The following THOC2 variants were observed in gnomAD, a reference collection of about 807,000 sequenced individuals.
THOC2 encodes THO complex 2.
THOC2 carries 10 observed loss-of-function variants against 128.4 expected under a neutral mutation model. That is an observed-to-expected ratio of 0.08 (90% CI 0.05 to 0.13). The LOEUF is 0.13. Among genes scored for constraint, THOC2 ranks in the 10% least tolerant of loss-of-function variants. The pLI is 1.00. For missense variants in THOC2, 535 were observed against 1,155.7 expected, an observed-to-expected ratio of 0.46 and a Z score of 7.79; for synonymous variants, 393 against 396.9, an observed-to-expected ratio of 0.99 and a Z score of 0.12.
At chrX:123,667,367 A>T in intron 10 of THOC2, 89 bp from the exon 11 acceptor site, 1 of 602,628 alleles carries the variant, frequency 1.7e-6, no homozygotes, top group South Asian at 3.5e-5. Context: ...GACCTAAGCA[A>T]CACATCAAAA....
chrX:123,671,658 A>G lies in THOC2; in HGVS notation c.861+11T>C. On this transcript the variant is annotated intron_variant, in intron 9 of 38. Coordinates refer to ENST00000245838, the MANE Select transcript of THOC2 (RefSeq NM_001081550.2). Reference sequence around the variant, plus strand: ...GACAATCAAGTATTCTTAGCAGCCCACTTGACTTACATGTACATAAAGATC... The same window carrying G: ...GACAATCAAGTATTCTTAGCAGCCCGCTTGACTTACATGTACATAAAGATC... 1 of 1,079,138 alleles carries G rather than the reference A, an allele frequency of 9.3e-7. No homozygotes were observed. The highest frequency in any genetic ancestry group is 1.3e-6 in the Non-Finnish European group (1 of 792,534). 88.9% of individuals were successfully genotyped at this position (1,079,138 alleles called of 1,213,427 possible).
At chrX:123,651,470 T>C (rs2048352083) in intron 12 of THOC2, among the ~76,000 whole-genome samples, 1 of 110,489 alleles carries the variant, frequency 9.1e-6, no homozygotes, top group African/African-American at 3.3e-5. Flanking sequence ...CTGAAGGAGA[T>C]AGAGACACAA....
chrX:123,621,860 T>C (rs1289770591), intron 30 of THOC2, among the ~76,000 whole-genome samples: 4 of 110,416 alleles, frequency 3.6e-5, no homozygotes, highest in Non-Finnish European at 7.6e-5. Context: ...CTGGTCAACA[T>C]GGTGAAACCC....
chrX:123,628,407 G>T (rs1278350879), intron 22 of THOC2, among the ~76,000 whole-genome samples: 1 of 111,697 alleles, frequency 9.0e-6, no homozygotes. Context: ...TAGCCAACTA[G>T]GACAGAATGT....
intron 8 of THOC2, among the ~76,000 whole-genome samples, chrX:123,684,405 C>T (rs1022366563): frequency 2.7e-5 from 3 of 111,731 alleles, no homozygotes; most frequent in Non-Finnish European, 3.8e-5. Flanking sequence ...CTTTCTGAGA[C>T]GGAGTTTTAC....
chrX:123,705,142 G>A (rs968773387), intron 3 of THOC2, among the ~76,000 whole-genome samples: 2 of 111,910 alleles, frequency 1.8e-5, no homozygotes, highest in Non-Finnish European at 3.8e-5. Flanking sequence ...ATACTGGACA[G>A]TATATAGTAC....
intron 8 of THOC2, among the ~76,000 whole-genome samples, chrX:123,683,350 G>T (rs1023758136): frequency 1.8e-5 from 2 of 110,766 alleles, no homozygotes; most frequent in Non-Finnish European, 3.8e-5. Context: ...CATATGAGTT[G>T]GGGAAAAGGA....
intron 12 of THOC2, among the ~76,000 whole-genome samples, chrX:123,651,734 C>CCCA (rs1210590589): frequency 9.3e-6 from 1 of 107,250 alleles, no homozygotes; most frequent in Non-Finnish European, 1.9e-5. Flanking sequence ...CGCCCCCCCC[C>CCCA]CAAGACTAAA....
intron 33 of THOC2, among the ~76,000 whole-genome samples, chrX:123,615,653 A>AT (rs1309972489): frequency 5.7e-5 from 6 of 105,964 alleles, no homozygotes; most frequent in African/African-American, 2.1e-4. Flanking sequence ...GCAAAAAAAA[A>AT]AATACACACA....
chrX:123,710,158 G>C (rs1226501560), intron 2 of THOC2, among the ~76,000 whole-genome samples: 4 of 111,962 alleles, frequency 3.6e-5, no homozygotes, highest in Non-Finnish European at 7.5e-5. Flanking sequence ...TGTTGACAGA[G>C]ATCAGCCAAG....
intron 33 of THOC2, among the ~76,000 whole-genome samples, chrX:123,617,077 ATCAC>A (rs1457348927): frequency 1.8e-5 from 2 of 111,001 alleles, no homozygotes; most frequent in African/African-American, 3.3e-5. Context: ...AACTTTGGAG[ATCAC>A]TCAAAGTCCA....
chrX:123,681,252 G>T (rs2049766915), intron 8 of THOC2, among the ~76,000 whole-genome samples: 1 of 110,870 alleles, frequency 9.0e-6, no homozygotes, highest in African/African-American at 3.3e-5. Flanking sequence ...AGGGAAAGGT[G>T]GCTCAAGCAA....
chrX:123,646,566 C>A (rs1019016098), intron 12 of THOC2, among the ~76,000 whole-genome samples: 2 of 112,321 alleles, frequency 1.8e-5, no homozygotes, highest in African/African-American at 6.5e-5. Flanking sequence ...GATATTACCA[C>A]AGGAAAAGTC....
chrX:123,698,236 G>A (rs777462142), intron 4 of THOC2, among the ~76,000 whole-genome samples: 2 of 111,507 alleles, frequency 1.8e-5, no homozygotes, highest in East Asian at 5.7e-4. Context: ...AAGGCGGGCG[G>A]ATCATGAGGT....
intron 22 of THOC2, among the ~76,000 whole-genome samples, chrX:123,628,490 G>A (rs1305809248): frequency 9.0e-6 from 1 of 111,056 alleles, no homozygotes; most frequent in Non-Finnish European, 1.9e-5. Context: ...AGACCAAGGC[G>A]GGCAGATCAC....
rs2050502803 is a variant in THOC2, at chrX:123,697,759, G to A, written c.275-8C>T. 3 of 928,549 alleles carry A rather than the reference G, an allele frequency of 3.2e-6. No individual in the cohort carries two copies. Among genetic ancestry groups the A allele is most frequent in the Non-Finnish European group, 4.5e-6 (3 of 673,385 alleles). The allele number at this position is 928,549 out of a possible 1,213,427, so 76.5% of individuals were successfully genotyped here. Reference sequence around the variant, plus strand: ...AACAATTTGTCTCAATGTCTATAATGATGAAGAAGAAAAAAGTTTGATTGA... The same window carrying A: ...AACAATTTGTCTCAATGTCTATAATAATGAAGAAGAAAAAAGTTTGATTGA... On this transcript the variant is annotated splice_polypyrimidine_tract_variant and splice_region_variant and intron_variant, in intron 4 of 38. Transcript: ENST00000245838.
At chrX:123,643,554 T>C (rs1164289511) in intron 15 of THOC2, among the ~76,000 whole-genome samples, 1 of 111,028 alleles carries the variant, frequency 9.0e-6, no homozygotes, top group Non-Finnish European at 1.9e-5. Flanking sequence ...AGCTAGAAAC[T>C]GTACCTGGAG....
rs1455225150 is a variant in THOC2, at chrX:123,605,223, T to C, written c.*19-3885A>G. Among the ~76,000 whole-genome samples, 5 of 111,119 alleles carry C rather than the reference T, an allele frequency of 4.5e-5. No homozygotes were observed. In the East Asian group the frequency reaches 1.4e-3, roughly 32 times the overall value. Reference sequence around the variant, plus strand: ...AGGGGAAAGACACACTCAGGGCAAATGTTGTATGGAAGCCTTTTATAAGTG... The same window carrying C: ...AGGGGAAAGACACACTCAGGGCAAACGTTGTATGGAAGCCTTTTATAAGTG... On this transcript the variant is annotated intron_variant, in intron 38 of 38. Coordinates refer to ENST00000245838, the MANE Select transcript of THOC2 (RefSeq NM_001081550.2).
intron 2 of THOC2, among the ~76,000 whole-genome samples, chrX:123,707,275 T>C (rs1358869777): frequency 9.0e-6 from 1 of 111,456 alleles, no homozygotes; most frequent in East Asian, 2.8e-4. Flanking sequence ...TTTTAAAGCA[T>C]TTTTTCATGC....
Sources: gnomAD v4.1 joint callset for allele counts (sites outside exome capture counted in the v4.1 genomes callset) on GRCh38, gnomAD v4.1.1 for gene constraint, MANE v1.5 for transcripts, NCBI Gene and HGNC (gene_info 2026-07-23, HGNC 2026-07-21) for gene names.